Variants in HMCN1 observed in about 807,000 individuals in gnomAD.
The protein encoded by HMCN1 is hemicentin 1.
Under a neutral mutation model 625.9 loss-of-function variants are expected in HMCN1, and 321 were observed. That is an observed-to-expected ratio of 0.51 (90% CI 0.47 to 0.56). The LOEUF (loss-of-function observed/expected upper bound fraction) is 0.56, where lower values mean the gene tolerates loss of function less well. Among genes scored for constraint, HMCN1 ranks in the 20% least tolerant of loss-of-function variants. The pLI is 0.00. For synonymous variants in HMCN1, 2,425 were observed against 2,417.6 expected, an observed-to-expected ratio of 1.00 and a Z score of -0.09; for missense variants, 6,588 against 6,887.3, an observed-to-expected ratio of 0.96 and a Z score of 1.54.
At chr1:186,031,860 T>A (rs1424661449) in intron 36 of HMCN1, among the ~76,000 whole-genome samples, 2 of 152,030 alleles carry the variant, frequency 1.3e-5, no homozygotes, top group African/African-American at 4.8e-5. Flanking sequence ...TTGATTAACA[T>A]CTATATTTAG....
intron 4 of HMCN1, among the ~76,000 whole-genome samples, chr1:185,878,568 A>G (rs1403685565): frequency 6.6e-6 from 1 of 152,192 alleles, no homozygotes; most frequent in Non-Finnish European, 1.5e-5. Flanking sequence ...CCACCCTTGC[A>G]TCCCTGGAAT....
At chr1:186,157,519 G>T (rs1040289963) in intron 97 of HMCN1, among the ~76,000 whole-genome samples, 1 of 151,970 alleles carries the variant, frequency 6.6e-6, no homozygotes, top group Non-Finnish European at 1.5e-5. Context: ...AAATTTTAGG[G>T]TACATGTGCA....
At chr1:186,096,591 G>A (rs1282106552) in intron 68 of HMCN1, among the ~76,000 whole-genome samples, 1 of 152,036 alleles carries the variant, frequency 6.6e-6, no homozygotes, top group Non-Finnish European at 1.5e-5. Flanking sequence ...ATATTTAGGG[G>A]CAAAAGAAAA....
At chr1:186,082,745 C>T in intron 56 of HMCN1, 120 bp from the exon 57 acceptor site, 1 of 449,780 alleles carries the variant, frequency 2.2e-6, no homozygotes, top group Non-Finnish European at 3.9e-6. Flanking sequence ...GTATGTACAA[C>T]ATTTTTTTCT....
rs763998103 is a variant in HMCN1 at position 186,132,374 on chromosome 1, G to C, written c.13277G>C (p.Gly4426Ala). ...ACATGTGTAGCTACCAATGAAGCTG[G>C]GGTGGTGGAGCGCAGCATGAGTCTG... The part of the protein sequence containing the change: ...DYTCVATNEA[G>A]VVERSMSLTL... The change falls in exon 86 of 107, where the codon GGG becomes GCG. Residue 4426 changes from glycine to alanine, a missense_variant. This residue lies in a region of HMCN1 where 1,954 missense variants were observed against 2,013.1 expected (regional missense o/e 0.97). Coordinates refer to ENST00000271588, the MANE Select transcript of HMCN1 (RefSeq NM_031935.3). 6.2e-7 allele frequency: 1 copy of C among 1,612,766 alleles called. No homozygotes were observed. The highest frequency in any genetic ancestry group is 8.5e-7 in the Non-Finnish European group (1 of 1,179,376).
chr1:186,053,114 T>C, intron 43 of HMCN1, 40 bp downstream of exon 43: 1 of 1,537,096 alleles, frequency 6.5e-7, no homozygotes, highest in South Asian at 1.1e-5. Context: ...TTAAAGAAAA[T>C]ATAAGATGGA....
chr1:185,826,394 C>T (rs1394742138), intron 1 of HMCN1, among the ~76,000 whole-genome samples: 1 of 152,092 alleles, frequency 6.6e-6, no homozygotes, highest in Non-Finnish European at 1.5e-5. Flanking sequence ...CCAGATCCTC[C>T]CAAAGGAGGA....
chr1:185,882,230 G>A (rs1664353789), intron 4 of HMCN1, among the ~76,000 whole-genome samples: 1 of 152,084 alleles, frequency 6.6e-6, no homozygotes, highest in African/African-American at 2.4e-5. Context: ...GATACTCATT[G>A]ATTTATATGC....
chr1:186,061,554 T>C (rs552649006), intron 46 of HMCN1, among the ~76,000 whole-genome samples: 30 of 152,326 alleles, frequency 2.0e-4, no homozygotes, highest in African/African-American at 6.3e-4. Flanking sequence ...TGTTAAAATA[T>C]ACTTATCTTT....
At position 186,190,870 on chromosome 1, in the gene HMCN1, C is replaced by G. The variant is rs1653688045; in HGVS notation, c.*992C>G. ...ATTTTCTATATAATATCTTGATGGA[C>G]TCTTTTATAAAATTATTTTATAAAA... On this transcript the variant is annotated 3_prime_UTR_variant, in exon 107 of 107. Coordinates refer to ENST00000271588, the MANE Select transcript of HMCN1 (RefSeq NM_031935.3). 5.4e-6 allele frequency: 1 copy of G among 186,384 alleles called. No individual in the cohort carries two copies. The highest frequency in any genetic ancestry group is 2.3e-5 in the African/African-American group (1 of 42,810). 11.5% of individuals were successfully genotyped at this position (186,384 alleles called of 1,614,324 possible). A position where few individuals can be genotyped will look rare whatever the true frequency, so the allele number is the denominator to read the frequency against.
intron 1 of HMCN1, among the ~76,000 whole-genome samples, chr1:185,740,566 G>C (rs1405869780): frequency 6.6e-6 from 1 of 152,060 alleles, no homozygotes; most frequent in Non-Finnish European, 1.5e-5. Flanking sequence ...TGGGAGGTAG[G>C]GCCTAGTAGG....
chr1:186,089,160 G>A (rs528993021), intron 63 of HMCN1, among the ~76,000 whole-genome samples: 2 of 152,020 alleles, frequency 1.3e-5, no homozygotes, highest in African/African-American at 4.8e-5. Context: ...AGGTAGATTA[G>A]GTAAATTTTA....
chr1:185,914,797 T>A (rs935218307), intron 6 of HMCN1, among the ~76,000 whole-genome samples: 10 of 128,420 alleles, frequency 7.8e-5, no homozygotes, highest in Non-Finnish European at 1.2e-4. Flanking sequence ...GATTAATTTC[T>A]CCCTTATATC....
chr1:185,787,442 A>G (rs1398697079), intron 1 of HMCN1, among the ~76,000 whole-genome samples: 1 of 152,214 alleles, frequency 6.6e-6, no homozygotes, highest in African/African-American at 2.4e-5. Context: ...GTGCCCAGAT[A>G]CGCCAGTTGA....
intron 81 of HMCN1, among the ~76,000 whole-genome samples, chr1:186,124,316 A>G (rs1321076022): frequency 6.6e-6 from 1 of 152,096 alleles, no homozygotes; most frequent in East Asian, 1.9e-4. Context: ...TTTTCACATT[A>G]TTTAGAAAAT....
chr1:185,841,313 CCTTA>C (rs1661466755), intron 1 of HMCN1, among the ~76,000 whole-genome samples: 1 of 151,978 alleles, frequency 6.6e-6, no homozygotes, highest in Non-Finnish European at 1.5e-5. Context: ...ATACATGTTG[CCTTA>C]CTGTTTTTTA....
intron 14 of HMCN1, among the ~76,000 whole-genome samples, chr1:185,969,958 C>G (rs914120378): frequency 3.3e-5 from 5 of 152,146 alleles, no homozygotes; most frequent in African/African-American, 1.2e-4. Context: ...TTCCTCTGGT[C>G]TCTCAAACAT....
At chr1:185,911,382 T>G (rs1666412191) in intron 5 of HMCN1, among the ~76,000 whole-genome samples, 1 of 152,166 alleles carries the variant, frequency 6.6e-6, no homozygotes, top group African/African-American at 2.4e-5. Flanking sequence ...AGGTTTCCAA[T>G]GCCTGGACAC....
chr1:186,064,530 C>T (rs2102322557), intron 48 of HMCN1, among the ~76,000 whole-genome samples: 1 of 151,994 alleles, frequency 6.6e-6, no homozygotes, highest in South Asian at 2.1e-4. Context: ...TTCTATGAGG[C>T]CAGGCACGGT....
Sources: allele counts gnomAD v4.1 joint callset (sites outside exome capture counted in the v4.1 genomes callset), GRCh38; gene constraint gnomAD v4.1.1; regional missense constraint gnomAD v4.1.1; transcripts MANE v1.5; gene names NCBI Gene and HGNC (gene_info 2026-07-23, HGNC 2026-07-21).